FAM20A: variants seen among roughly 807,000 people sequenced by gnomAD.
FAM20A encodes pseudokinase FAM20A.
FAM20A carries 42 observed loss-of-function variants against 52.0 expected under a neutral mutation model. The observed-to-expected ratio is 0.81, with a 90% CI of 0.63 to 1.04. The LOEUF (loss-of-function observed/expected upper bound fraction) is 1.04. Among genes scored for constraint, FAM20A ranks in the 50% least tolerant of loss-of-function variants. The probability of loss-of-function intolerance (pLI) is 0.00; values close to 1 mark genes in which losing one functional copy is unlikely to be tolerated. For missense variants in FAM20A, 742 were observed against 712.7 expected, an observed-to-expected ratio of 1.04 and a Z score of -0.47; for synonymous variants, 304 against 298.9, an observed-to-expected ratio of 1.02 and a Z score of -0.18.
chr17:68,575,744 A>T (rs1598058590), intron 1 of FAM20A, among the ~76,000 whole-genome samples: 1 of 120,078 alleles, frequency 8.3e-6, no homozygotes, highest in African/African-American at 3.1e-5. Flanking sequence ...TATATATTTT[A>T]TATATTATAT....
intron 1 of FAM20A, among the ~76,000 whole-genome samples, chr17:68,577,231 C>T: frequency 6.6e-6 from 1 of 152,354 alleles, no homozygotes; most frequent in Middle Eastern, 3.4e-3. Context: ...TCTCTTAAAC[C>T]ATTTCCTTAC....
intron 1 of FAM20A, among the ~76,000 whole-genome samples, chr17:68,571,358 C>T (rs903507893): frequency 1.3e-5 from 2 of 152,088 alleles, no homozygotes; most frequent in African/African-American, 4.8e-5. Context: ...TATAAATAAC[C>T]GATTATTAGA....
chr17:68,593,091 G>A (rs2088356841), intron 1 of FAM20A, among the ~76,000 whole-genome samples: 1 of 152,236 alleles, frequency 6.6e-6, no homozygotes, highest in Non-Finnish European at 1.5e-5. Context: ...TTTCTGTACT[G>A]TGGTTTTCAT....
At chr17:68,594,271 C>T (rs1161205876) in intron 1 of FAM20A, among the ~76,000 whole-genome samples, 1 of 151,298 alleles carries the variant, frequency 6.6e-6, no homozygotes, top group Non-Finnish European at 1.5e-5. Context: ...TAGTGGCGGG[C>T]GCCTGTAGTC....
At chr17:68,581,456 TCTTTC>T (rs1158743465) in intron 1 of FAM20A, among the ~76,000 whole-genome samples, 2 of 47,106 alleles carry the variant, frequency 4.2e-5, no homozygotes, top group African/African-American at 1.9e-4. Context: ...TTCTTTTCTT[TCTTTC>T]CTTTCTTTCT....
chr17:68,537,424 A>G lies in FAM20A; in HGVS notation c.*53T>C, dbSNP rs1466135031. The stretch of plus-strand genomic sequence containing the variant: ...AGTGAGGACGCAGGGTCGGCACTCG[A>G]GTCGACTGCTCTGGCTCCAGGCGTA... On this transcript the variant is annotated 3_prime_UTR_variant, in exon 11 of 11. Transcript: ENST00000592554. This position sits in a 1 kb window ranked among gnomAD's most constrained non-coding sequence, Gnocchi z 4.2. 1.9e-6 allele frequency: 3 copies of G among 1,611,916 alleles called. No homozygotes were observed. The highest frequency in any genetic ancestry group is 2.5e-6 in the Non-Finnish European group (3 of 1,179,284).
intron 1 of FAM20A, among the ~76,000 whole-genome samples, chr17:68,581,500 CTTCT>C (rs144317824): frequency 0.31 from 30,486 of 99,946 alleles, 4,676 homozygotes; most frequent in Admixed American, 0.43. Context: ...TTCTTTCTTT[CTTCT>C]TTCTCTTTCT....
At chr17:68,544,304 T>G (rs2086448896) in intron 4 of FAM20A, among the ~76,000 whole-genome samples, 1 of 152,106 alleles carries the variant, frequency 6.6e-6, no homozygotes, top group Admixed American at 6.5e-5. Context: ...GTGCAGAGGA[T>G]ATTGATTTAT....
At chr17:68,547,286 T>C (rs532269123) in intron 4 of FAM20A, among the ~76,000 whole-genome samples, 1 of 152,302 alleles carries the variant, frequency 6.6e-6, no homozygotes, top group South Asian at 2.1e-4. Flanking sequence ...TATTTTTTTA[T>C]TATACTTTAA....
At chr17:68,575,452 T>A (rs1408586242) in intron 1 of FAM20A, among the ~76,000 whole-genome samples, 39 of 102,318 alleles carry the variant, frequency 3.8e-4, no homozygotes, top group South Asian at 1.4e-3. Context: ...TATTATATAT[T>A]TTATATATTA....
At chr17:68,558,028 T>C (rs1046347730) in intron 1 of FAM20A, among the ~76,000 whole-genome samples, 1 of 152,062 alleles carries the variant, frequency 6.6e-6, no homozygotes, top group Non-Finnish European at 1.5e-5. Context: ...CCCTTGAAAG[T>C]AAAGTTTTTT....
chr17:68,593,545 G>A (rs971769132), intron 1 of FAM20A, among the ~76,000 whole-genome samples: 4 of 152,214 alleles, frequency 2.6e-5, no homozygotes, highest in Non-Finnish European at 5.9e-5. Context: ...TGTCTCAGCA[G>A]GGTGGTTTTG....
chr17:68,553,755 T>C (rs541942782), intron 3 of FAM20A, among the ~76,000 whole-genome samples: 1 of 144,812 alleles, frequency 6.9e-6, no homozygotes, highest in South Asian at 2.1e-4. Flanking sequence ...CACATATATA[T>C]ACATATATAT....
At chr17:68,599,711 C>T (rs1002182732) in intron 1 of FAM20A, among the ~76,000 whole-genome samples, 7 of 152,188 alleles carry the variant, frequency 4.6e-5, no homozygotes, top group African/African-American at 1.7e-4. Flanking sequence ...AGATGACCCC[C>T]TTGTGATCTC....
chr17:68,575,226 T>A (rs993870962), intron 1 of FAM20A: 1 of 151,074 alleles, frequency 6.6e-6, no homozygotes, highest in African/African-American at 2.4e-5. Context: ...AGTCAGTTTG[T>A]AATAATGTGT....
intron 1 of FAM20A, among the ~76,000 whole-genome samples, chr17:68,592,073 C>G (rs1490291233): frequency 6.6e-6 from 1 of 152,154 alleles, no homozygotes; most frequent in Non-Finnish European, 1.5e-5. Flanking sequence ...GAAAAATGGA[C>G]CTCACCAACT....
In FAM20A at chr17:68,600,753, C is replaced by T. The variant is rs551308575; in HGVS notation, c.-87G>A. 1.4e-6 allele frequency: 2 copies of T among 1,405,566 alleles called. No homozygotes were observed. Among genetic ancestry groups the T allele is most frequent in the African/African-American group, 1.5e-5 (1 of 67,792 alleles). The allele number at this position is 1,405,566 out of a possible 1,614,324, so 87.1% of individuals were successfully genotyped here. The stretch of plus-strand genomic sequence containing the variant: ...TCGCGGGGTGCGGGCAGAAGAGGTG[C>T]CTGGAGTCCCGCGGGTGGGCCGGGG... On this transcript the variant is annotated 5_prime_UTR_variant, in exon 1 of 11. Coordinates refer to ENST00000592554, the MANE Select transcript of FAM20A (RefSeq NM_017565.4). The surrounding 1 kb of genome is among the most constrained non-coding windows in gnomAD (Gnocchi z 6.2).
At chr17:68,577,712 T>A (rs2087813181) in intron 1 of FAM20A, among the ~76,000 whole-genome samples, 1 of 152,224 alleles carries the variant, frequency 6.6e-6, no homozygotes, top group South Asian at 2.1e-4. Flanking sequence ...TGTAATTTAA[T>A]ATTTTCCATA....
At chr17:68,558,427 T>C in intron 1 of FAM20A, 3 of 384,256 alleles carry the variant, frequency 7.8e-6, no homozygotes, top group South Asian at 2.0e-5. Context: ...AATTGTAACA[T>C]AGGGGTGGGT....
Sources: allele counts gnomAD v4.1 joint callset (sites outside exome capture counted in the v4.1 genomes callset), GRCh38; gene constraint gnomAD v4.1.1; non-coding constraint Gnocchi (gnomAD v3.1); transcripts MANE v1.5; gene names NCBI Gene and HGNC (gene_info 2026-07-23, HGNC 2026-07-21).